CALM2: variants seen among roughly 807,000 people sequenced by gnomAD.
CALM2 encodes calmodulin 2, also known as calmodulin-2.
Under a neutral mutation model 19.8 loss-of-function variants are expected in CALM2, and 2 were observed. The observed-to-expected ratio is 0.10, with a 90% confidence interval of 0.04 to 0.32. CALM2 has a LOEUF of 0.32. Ranked by LOEUF, CALM2 falls within the 10% of genes least tolerant of loss-of-function variation. CALM2 has a pLI of 1.00. For missense variants in CALM2, 38 were observed against 178.7 expected (o/e 0.21, Z 4.49); for synonymous variants, 51 against 52.1 (o/e 0.98, Z 0.09).
In CALM2 at chr2:47,162,590, A is replaced by G; in HGVS notation, c.107T>C (p.Val36Ala). Residue 36 changes from valine to alanine, a missense_variant, in exon 3 of 6, where the codon GTA becomes GCA. Physicochemically the swap from Val to Ala is moderately conservative, Grantham distance 64. Transcript: ENST00000272298. Reference sequence around the variant, plus strand: ...GGGATTCTGCCCAAGAGATCTCATTACAGTTCCCAATTCCTTTGTTGTTAT... The same window carrying G: ...GGGATTCTGCCCAAGAGATCTCATTGCAGTTCCCAATTCCTTTGTTGTTAT... ...GTITTKELGT[V>A]MRSLGQNPTE... 1 of 1,613,546 alleles carries G rather than the reference A, an allele frequency of 6.2e-7. No homozygotes were observed. Among genetic ancestry groups the G allele is most frequent in the Non-Finnish European group, 8.5e-7 (1 of 1,179,512 alleles).
Position 47,176,485 on chromosome 2 carries a change from A to G in CALM2, c.-42T>C. 1 of 1,612,506 alleles carries G rather than the reference A, an allele frequency of 6.2e-7. No individual in the cohort carries two copies. The highest frequency in any genetic ancestry group is 8.5e-7 in the Non-Finnish European group (1 of 1,179,574). On this transcript the variant is annotated 5_prime_UTR_variant, in exon 1 of 6. Coordinates refer to ENST00000272298, the MANE Select transcript of CALM2 (RefSeq NM_001743.6). ...GTTTCCGAGACGCGACCACACAACC[A>G]CTCAGCTCGCTCTCTCCACTCGGAC...
chr2:47,172,814 G>GT (rs1666718911), intron 1 of CALM2: 1 of 82,058 alleles, frequency 1.2e-5, no homozygotes, highest in Non-Finnish European at 2.5e-5. Context: ...GGTTGGGGGG[G>GT]GGGGGGGGGT....
intron 2 of CALM2, among the ~76,000 whole-genome samples, chr2:47,166,753 A>C (rs1222444819): frequency 1.3e-5 from 2 of 152,210 alleles, no homozygotes; most frequent in East Asian, 1.9e-4. Flanking sequence ...ATATAATTCT[A>C]AACTGTAACT....
At chr2:47,160,983 C>T (rs1687137224) in intron 5 of CALM2, among the ~76,000 whole-genome samples, 179 bp from the exon 6 acceptor site, 1 of 151,826 alleles carries the variant, frequency 6.6e-6, no homozygotes, top group Admixed American at 6.6e-5. Flanking sequence ...CTTCATTAAC[C>T]ATAACTATTC....
chr2:47,170,483 G>A (rs1037589254), intron 2 of CALM2, among the ~76,000 whole-genome samples: 2 of 152,114 alleles, frequency 1.3e-5, no homozygotes, highest in African/African-American at 4.8e-5. Flanking sequence ...TACACCACAA[G>A]GCTCCAAAGT....
At chr2:47,166,372 C>T (rs1198991666) in intron 2 of CALM2, among the ~76,000 whole-genome samples, 5 of 152,174 alleles carry the variant, frequency 3.3e-5, no homozygotes, top group Non-Finnish European at 5.9e-5. Flanking sequence ...GTTTAATTAG[C>T]AGTAATCACC....
chr2:47,176,040 G>C (rs1387183409), intron 1 of CALM2, among the ~76,000 whole-genome samples: 1 of 152,120 alleles, frequency 6.6e-6, no homozygotes, highest in Non-Finnish European at 1.5e-5. Context: ...ACCGTCGGTC[G>C]GGTGGATTGA....
chr2:47,167,957 A>G (rs1262139895), intron 2 of CALM2, among the ~76,000 whole-genome samples: 1 of 151,080 alleles, frequency 6.6e-6, no homozygotes, highest in Non-Finnish European at 1.5e-5. Context: ...TTACCAGATT[A>G]AAAAATTGCC....
chr2:47,165,582 T>G (rs1480091547), intron 2 of CALM2, among the ~76,000 whole-genome samples: 1 of 152,232 alleles, frequency 6.6e-6, no homozygotes, highest in African/African-American at 2.4e-5. Context: ...ATTTTCCTCC[T>G]ACCATATACT....
intron 2 of CALM2, among the ~76,000 whole-genome samples, chr2:47,169,485 G>C (rs1666599551): frequency 6.6e-6 from 1 of 151,826 alleles, no homozygotes; most frequent in African/African-American, 2.4e-5. Context: ...AGATCAAATA[G>C]GTGATACCTT....
rs777038744 is a variant in CALM2, at chr2:47,176,465, CG to C, written c.-23del. The C allele has an allele frequency of 1.1e-5, 18 of 1,613,670 alleles. No homozygotes were observed. Among genetic ancestry groups the C allele is most frequent in the Non-Finnish European group, 1.4e-5 (16 of 1,179,992 alleles). On this transcript the variant is annotated 5_prime_UTR_variant, in exon 1 of 6. Transcript: ENST00000272298. ...CCATGCTGCAAGCGCTACCGGTTTC[CG>C]AGACGCGACCACACAACCACTCAGC...
At chr2:47,172,201 G>C (rs1666692406) in intron 1 of CALM2, 28 of 265,196 alleles carry the variant, frequency 1.1e-4, no homozygotes, top group South Asian at 1.0e-3. Context: ...TGTATTAATA[G>C]AAGCTACATT....
chr2:47,165,349 A>C (rs952962043), intron 2 of CALM2, among the ~76,000 whole-genome samples: 14 of 152,202 alleles, frequency 9.2e-5, no homozygotes, highest in Admixed American at 6.5e-4. Context: ...AAATGACATA[A>C]ATGTGCCCAG....
At chr2:47,176,646 C>G, upstream of CALM2, 2 of 1,480,286 alleles carry the variant, frequency 1.4e-6, no homozygotes, top group Non-Finnish European at 1.8e-6. Context: ...GGACCCCTTT[C>G]TTCACAGTTA....
intron 1 of CALM2, chr2:47,173,234 G>A (rs1666733669): frequency 6.6e-6 from 1 of 152,158 alleles, no homozygotes; most frequent in Non-Finnish European, 1.5e-5. Context: ...AATAAATTTG[G>A]TTCTTCCTTG....
At chr2:47,173,383 T>G (rs1420499429) in intron 1 of CALM2, 2 of 152,196 alleles carry the variant, frequency 1.3e-5, no homozygotes, top group African/African-American at 4.8e-5. Flanking sequence ...ACTCCCTTAT[T>G]TCTGTAGCTA....
chr2:47,161,872 T>C lies in CALM2; in HGVS notation c.286-14A>G. 1 of 1,600,604 alleles carries C rather than the reference T, an allele frequency of 6.2e-7. No homozygotes were observed. Among genetic ancestry groups the C allele is most frequent in the Non-Finnish European group, 8.5e-7 (1 of 1,174,282 alleles). ...GCCATTGCCATCCTAGCAAAAAATTTAGTATAGTTTCTGAGTCAAATTACA... is the reference window on the plus strand; with the variant it reads ...GCCATTGCCATCCTAGCAAAAAATTCAGTATAGTTTCTGAGTCAAATTACA... On this transcript the variant is annotated splice_polypyrimidine_tract_variant and intron_variant, in intron 4 of 5. Coordinates refer to ENST00000272298, the MANE Select transcript of CALM2 (RefSeq NM_001743.6).
chr2:47,161,130 G>C (rs141390083), intron 5 of CALM2, among the ~76,000 whole-genome samples: 1 of 152,080 alleles, frequency 6.6e-6, no homozygotes, highest in African/African-American at 2.4e-5. Context: ...CTATGGGCTA[G>C]GTTTAATTTT....
intron 1 of CALM2, 145 bp from the exon 2 acceptor site, chr2:47,170,909 C>T: frequency 5.8e-6 from 4 of 692,110 alleles, no homozygotes; most frequent in Non-Finnish European, 1.1e-5. Context: ...AAAATGCACA[C>T]ATCTAGTTTC....
Sources: gnomAD v4.1 joint callset for allele counts (sites outside exome capture counted in the v4.1 genomes callset) on GRCh38, gnomAD v4.1.1 for gene constraint, MANE v1.5 for transcripts, NCBI Gene and HGNC (gene_info 2026-07-23, HGNC 2026-07-21) for gene names.